Variants in SLC45A4 observed in about 807,000 individuals in gnomAD.
SLC45A4 encodes solute carrier family 45 member 4.
A neutral mutation model predicts 63.7 loss-of-function variants in SLC45A4; 32 were observed. The ratio of observed to expected loss-of-function variants is 0.50; its 90% CI spans 0.38 to 0.67. The LOEUF (loss-of-function observed/expected upper bound fraction) is 0.67. Ranked by LOEUF, SLC45A4 falls within the 30% of genes least tolerant of loss-of-function variation. The pLI is 0.00. For synonymous variants in SLC45A4, 535 were observed against 510.0 expected, an observed-to-expected ratio of 1.05 and a Z score of -0.66; for missense variants, 1,027 against 1,157.7, an observed-to-expected ratio of 0.89 and a Z score of 1.64.
At chr8:141,289,406 A>C (rs1830269818) in intron 1 of SLC45A4, among the ~76,000 whole-genome samples, 1 of 152,226 alleles carries the variant, frequency 6.6e-6, no homozygotes, top group Non-Finnish European at 1.5e-5. Flanking sequence ...TCTGGAGTGA[A>C]GTCTAAGAGT....
chr8:141,292,673 CCT>C (rs377429213), intron 1 of SLC45A4: 19 of 152,522 alleles, frequency 1.2e-4, no homozygotes, highest in Non-Finnish European at 2.0e-4. Flanking sequence ...TCCACTGCCT[CCT>C]CTCTCTCTCT....
intron 1 of SLC45A4, among the ~76,000 whole-genome samples, chr8:141,307,071 TAGG>T (rs1433241162): frequency 6.6e-6 from 1 of 152,106 alleles, no homozygotes; most frequent in Non-Finnish European, 1.5e-5. Context: ...TCAGGCTCCT[TAGG>T]AGGTCAAGCG....
At chr8:141,266,118 C>T (rs535123046) in intron 1 of SLC45A4, among the ~76,000 whole-genome samples, 92 of 152,324 alleles carry the variant, frequency 6.0e-4, no homozygotes, top group African/African-American at 2.2e-3. Flanking sequence ...ACAGTCCCAG[C>T]GTTCAACAGC....
At position 141,219,079 on chromosome 8, in the gene SLC45A4, G is replaced by T. The variant is rs3739234; in HGVS notation, c.611-50C>A. 1.6e-4 allele frequency: 250 copies of T among 1,571,394 alleles called. 1 individual carries two copies. The highest frequency in any genetic ancestry group is 9.8e-4 in the African/African-American group (73 of 74,166). On this transcript the variant is annotated intron_variant, in intron 4 of 8. Transcript: ENST00000517878. ...GTGAGCCGGTGGCACCAGGCCACAG[G>T]GGGGGAAGCTCTGGGAGGGCCTCTC...
At chr8:141,299,546 G>A (rs888855153) in intron 1 of SLC45A4, among the ~76,000 whole-genome samples, 2 of 152,238 alleles carry the variant, frequency 1.3e-5, no homozygotes, top group African/African-American at 2.4e-5. Flanking sequence ...GGCCGTGGCC[G>A]CAGCCCCGGG....
At chr8:141,264,378 C>G (rs960595470) in intron 1 of SLC45A4, among the ~76,000 whole-genome samples, 3 of 152,176 alleles carry the variant, frequency 2.0e-5, no homozygotes, top group African/African-American at 7.2e-5. Flanking sequence ...AGGCTGCAAT[C>G]TGTCCCACCC....
chr8:141,307,519 GAGGGGAAGAAGGGAAGGGGAAGA>G (rs557496412), intron 1 of SLC45A4, among the ~76,000 whole-genome samples: 1 of 149,400 alleles, frequency 6.7e-6, no homozygotes, highest in Non-Finnish European at 1.5e-5. Context: ...AGAGGGAAAG[GAGGGGAAGAAGGGAAGGGGAAGA>G]AGGGGAAGAA....
chr8:141,215,668 G>C lies in SLC45A4; in HGVS notation c.1941+91C>G. On this transcript the variant is annotated intron_variant, in intron 7 of 8. Transcript: ENST00000517878. The surrounding 1 kb of genome is among the most constrained non-coding windows in gnomAD (Gnocchi z 4.3). ...AAGGAGGGCCATCTGTGTCGTGAACGTCCCCCCGGGGAAGCACAGGGCTCT... is the reference window on the plus strand; with the variant it reads ...AAGGAGGGCCATCTGTGTCGTGAACCTCCCCCCGGGGAAGCACAGGGCTCT... 7.4e-7 allele frequency: 1 copy of C among 1,344,238 alleles called. No individual in the cohort carries two copies. Among genetic ancestry groups the C allele is most frequent in the Non-Finnish European group, 1.0e-6 (1 of 957,992 alleles). 83.3% of individuals were successfully genotyped at this position (1,344,238 alleles called of 1,614,324 possible).
intron 2 of SLC45A4, chr8:141,226,362 G>A (rs2154614167): frequency 6.6e-6 from 1 of 152,418 alleles, no homozygotes; most frequent in East Asian, 1.9e-4. Flanking sequence ...TCCTGCTGGG[G>A]TGCTCTCAAT....
At chr8:141,271,881 G>C (rs1829543110) in intron 1 of SLC45A4, among the ~76,000 whole-genome samples, 1 of 151,118 alleles carries the variant, frequency 6.6e-6, no homozygotes, top group African/African-American at 2.4e-5. Flanking sequence ...ACACGTGCAT[G>C]CAACACACAC....
chr8:141,298,058 C>T (rs1238738556), intron 1 of SLC45A4, among the ~76,000 whole-genome samples: 1 of 150,646 alleles, frequency 6.6e-6, no homozygotes, highest in Non-Finnish European at 1.5e-5. Context: ...CTGCGGCAAG[C>T]CCGACTGGCC....
At chr8:141,303,676 A>G (rs755950557) in intron 1 of SLC45A4, among the ~76,000 whole-genome samples, 1 of 152,220 alleles carries the variant, frequency 6.6e-6, no homozygotes, top group Non-Finnish European at 1.5e-5. Context: ...GGCAAACTAC[A>G]AAAACTCAGA....
In SLC45A4 at chr8:141,218,627, G is replaced by A. The variant is rs1385808068; in HGVS notation, c.1013C>T (p.Ala338Val). ...GCTGCGGGGGGTGGCGGGGTAGGAG[G>A]CGTCGTGGAAGATGGAGGGCTCGAT... ...HDIEPSIFHD[A>V]SYPATPRSTS... Residue 338 changes from alanine (A) to valine (V), a missense_variant, in exon 5 of 9, where the codon GCC becomes GTC. Transcript: ENST00000517878. 6.2e-7 allele frequency: 1 copy of A among 1,613,300 alleles called. No individual in the cohort carries two copies. Among genetic ancestry groups the A allele is most frequent in the East Asian group, 2.2e-5 (1 of 44,886 alleles).
At chr8:141,290,386 G>A (rs762477622) in intron 1 of SLC45A4, among the ~76,000 whole-genome samples, 5 of 152,204 alleles carry the variant, frequency 3.3e-5, no homozygotes, top group Middle Eastern at 3.4e-3. Flanking sequence ...CCACTCCAAC[G>A]CTGCCAAGTC....
In SLC45A4 at chr8:141,268,512, C is replaced by T. The variant is rs1034158112; in HGVS notation, c.-400-13883G>A. 3.9e-5 allele frequency among the ~76,000 whole-genome samples: 6 copies of T among 152,254 alleles called. No individual in the cohort carries two copies. In the South Asian group the frequency reaches 8.3e-4, roughly 21 times the overall value. The stretch of plus-strand genomic sequence containing the variant: ...GTAATCAATGTCCCACTCTGGCCGG[C>T]GACACAGACACTGGGGGAGGCTGGG... On this transcript the variant is annotated intron_variant, in intron 1 of 8. Coordinates refer to ENST00000517878, the MANE Select transcript of SLC45A4 (RefSeq NM_001286646.2).
At chr8:141,274,696 C>T (rs1829666924) in intron 1 of SLC45A4, among the ~76,000 whole-genome samples, 1 of 152,200 alleles carries the variant, frequency 6.6e-6, no homozygotes, top group Non-Finnish European at 1.5e-5. Flanking sequence ...AGGGGCTCCG[C>T]CAGAAACTAA....
At chr8:141,253,007 CT>C (rs1203494929) in intron 2 of SLC45A4, among the ~76,000 whole-genome samples, 1 of 126,672 alleles carries the variant, frequency 7.9e-6, no homozygotes, top group East Asian at 2.4e-4. Flanking sequence ...ACCTGTGCGT[CT>C]GTGAATTTCC....
intron 2 of SLC45A4, among the ~76,000 whole-genome samples, chr8:141,222,022 G>A (rs767039152): frequency 1.3e-5 from 2 of 152,262 alleles, no homozygotes; most frequent in African/African-American, 2.4e-5. Flanking sequence ...GGCTCCACCT[G>A]CACTGGCCCG....
chr8:141,264,932 C>T (rs866989073), intron 1 of SLC45A4, among the ~76,000 whole-genome samples: 15 of 152,292 alleles, frequency 9.8e-5, no homozygotes, highest in African/African-American at 3.4e-4. Flanking sequence ...AGACAGAACC[C>T]GTCTATCATG....
Sources: allele counts gnomAD v4.1 joint callset (sites outside exome capture counted in the v4.1 genomes callset), GRCh38; gene constraint gnomAD v4.1.1; non-coding constraint Gnocchi (gnomAD v3.1); transcripts MANE v1.5; gene names NCBI Gene and HGNC (gene_info 2026-07-23, HGNC 2026-07-21).